KANSL1L: variants seen among roughly 807,000 people sequenced by gnomAD.
KANSL1L encodes the protein KAT8 regulatory NSL complex subunit 1 like.
A neutral mutation model predicts 108.6 loss-of-function variants in KANSL1L; 25 were observed. That is an observed-to-expected ratio of 0.23 (90% CI 0.17 to 0.32). The LOEUF (loss-of-function observed/expected upper bound fraction) is 0.32, where lower values mean the gene tolerates loss of function less well. Ranked by LOEUF, KANSL1L falls within the 10% of genes least tolerant of loss-of-function variation. The pLI is 1.00. For synonymous variants in KANSL1L, 405 were observed against 395.1 expected (o/e 1.03, Z -0.30); for missense variants, 1,137 against 1,125.7 (o/e 1.01, Z -0.14).
At chr2:210,122,077 A>G (rs544681280) in intron 3 of KANSL1L, among the ~76,000 whole-genome samples, 9 of 152,326 alleles carry the variant, frequency 5.9e-5, no homozygotes, top group African/African-American at 1.7e-4. Context: ...GTGAATTAGA[A>G]GAATTAATAT....
chr2:210,031,370 T>C, intron 9 of KANSL1L, 51 bp downstream of exon 9: 1 of 1,345,582 alleles, frequency 7.4e-7, no homozygotes, highest in African/African-American at 1.5e-5. Context: ...AAATCAGAAT[T>C]TTTAATTTTT....
At chr2:210,130,861 A>G (rs1396876379) in intron 2 of KANSL1L, among the ~76,000 whole-genome samples, 1 of 147,316 alleles carries the variant, frequency 6.8e-6, no homozygotes, top group Non-Finnish European at 1.5e-5. Flanking sequence ...TTTTTTTTTC[A>G]AGAACTTTGG....
intron 7 of KANSL1L, among the ~76,000 whole-genome samples, chr2:210,042,259 G>A (rs1044206390): frequency 6.6e-6 from 1 of 152,128 alleles, no homozygotes; most frequent in East Asian, 1.9e-4. Context: ...CGAGTACCTT[G>A]AGGGATTTAT....
chr2:210,119,967 C>T (rs550814933), intron 3 of KANSL1L, among the ~76,000 whole-genome samples: 12 of 152,174 alleles, frequency 7.9e-5, no homozygotes, highest in African/African-American at 2.4e-4. Flanking sequence ...GCATGGTACT[C>T]GAACAAGAAC....
chr2:210,149,308 C>T (rs908011274), intron 2 of KANSL1L, among the ~76,000 whole-genome samples: 6 of 152,000 alleles, frequency 3.9e-5, no homozygotes, highest in Non-Finnish European at 8.8e-5. Context: ...CTAGCCTATA[C>T]GATAAAAGAG....
chr2:210,154,696 T>A (rs2095323815), intron 1 of KANSL1L, 85 bp from the exon 2 acceptor site: 2 of 735,734 alleles, frequency 2.7e-6, no homozygotes, highest in Admixed American at 3.5e-5. Flanking sequence ...ATGTTCAATG[T>A]TTCTGATTAG....
chr2:210,033,429 A>C (rs2094050411), intron 8 of KANSL1L, among the ~76,000 whole-genome samples: 1 of 152,242 alleles, frequency 6.6e-6, no homozygotes, highest in South Asian at 2.1e-4. Context: ...TTGCTGTAGC[A>C]TTTAAGCAAA....
chr2:210,031,351 G>A lies in KANSL1L; in HGVS notation c.2155+70C>T, dbSNP rs1402630083. The A allele has an allele frequency of 2.8e-6, 3 of 1,079,854 alleles. No individual in the cohort carries two copies. In the African/African-American group the frequency reaches 4.9e-5, roughly 18 times the overall value. 66.9% of individuals were successfully genotyped at this position (1,079,854 alleles called of 1,614,324 possible). A position where few individuals can be genotyped will look rare whatever the true frequency, so the allele number is the denominator to read the frequency against. ...TCTGGATTATAAACTCCCATGAGAG[G>A]TTATTTTAAAATCAGAATTTTTAAT... On this transcript the variant is annotated intron_variant, in intron 9 of 14. Coordinates refer to ENST00000281772, the MANE Select transcript of KANSL1L (RefSeq NM_152519.4).
At position 210,058,831 on chromosome 2, in the gene KANSL1L, C is replaced by T. The variant is rs545810361; in HGVS notation, c.1756-14727G>A. 2.6e-4 allele frequency among the ~76,000 whole-genome samples: 26 copies of T among 100,374 alleles called. No individual in the cohort carries two copies. In the East Asian group the frequency reaches 5.3e-3, roughly 21 times the overall value. The allele number at this position is 100,374 out of a possible 152,430, so 65.8% of individuals were successfully genotyped here. ...CAGCCTGGGAGACAGAGCGAGACTC[C>T]GTCTCAAAAAAAAAAAAAAAAAAAC... On this transcript the variant is annotated intron_variant, in intron 6 of 14. Coordinates refer to ENST00000281772, the MANE Select transcript of KANSL1L (RefSeq NM_152519.4).
chr2:210,082,108 T>C (rs2094595230), intron 5 of KANSL1L, among the ~76,000 whole-genome samples: 1 of 152,158 alleles, frequency 6.6e-6, no homozygotes, highest in Admixed American at 6.5e-5. Flanking sequence ...TAATTTTTTA[T>C]GTTCCATACA....
rs996565557 is a variant in KANSL1L at position 210,171,301 on chromosome 2, C to G, written c.-182G>C. ...CGCGCCCCGCTCCCGCCCCGGCCGC[C>G]GCCGCCGCCGCCGCCGCCGCCGCCG... On this transcript the variant is annotated 5_prime_UTR_variant, in exon 1 of 15. Transcript: ENST00000281772. The G allele has an allele frequency of 0.014, 2 of 144 alleles. No individual in the cohort carries two copies. Among genetic ancestry groups the G allele is most frequent in the African/African-American group, 0.02 (2 of 102 alleles). The allele number at this position is 144 out of a possible 1,614,324, so 0.0% of individuals were successfully genotyped here. A position where few individuals can be genotyped will look rare whatever the true frequency, so the allele number is the denominator to read the frequency against.
At chr2:210,108,732 G>A (rs2094875761) in intron 3 of KANSL1L, among the ~76,000 whole-genome samples, 1 of 152,186 alleles carries the variant, frequency 6.6e-6, no homozygotes, top group South Asian at 2.1e-4. Flanking sequence ...AAAGATAACA[G>A]TGAACAATGA....
At position 210,138,583 on chromosome 2, in the gene KANSL1L, C is replaced by G. The variant is rs529770489; in HGVS notation, c.1089-9411G>C. ...AGGAAGCTTAACATTGGGACTTACG[C>G]TTTTTAAAAATCTTTTTTAGCTTTA... On this transcript the variant is annotated intron_variant, in intron 2 of 14. Transcript: ENST00000281772. Among the ~76,000 whole-genome samples, 11 of 152,162 alleles carry G rather than the reference C, an allele frequency of 7.2e-5. No individual in the cohort carries two copies. In the South Asian group the frequency reaches 2.1e-3, roughly 29 times the overall value.
At chr2:210,023,363 CTT>C (rs766949189) in intron 14 of KANSL1L, among the ~76,000 whole-genome samples, 184 bp from the exon 15 acceptor site, 4 of 152,036 alleles carry the variant, frequency 2.6e-5, no homozygotes, top group African/African-American at 4.8e-5. Flanking sequence ...TGTTGAGTGA[CTT>C]TTGGGATTTA....
chr2:210,127,844 A>T (rs1367994712), intron 3 of KANSL1L, among the ~76,000 whole-genome samples: 1 of 150,862 alleles, frequency 6.6e-6, no homozygotes, highest in African/African-American at 2.4e-5. Flanking sequence ...ATAGGAAAAA[A>T]TATTTATAAA....
intron 2 of KANSL1L, 128 bp downstream of exon 2, chr2:210,153,367 A>C: frequency 5.4e-6 from 1 of 184,774 alleles, no homozygotes; most frequent in Non-Finnish European, 1.0e-5. Context: ...AATAAAAATT[A>C]AAAAAAAAAA....
chr2:210,129,158 T>A lies in KANSL1L; in HGVS notation c.1103A>T (p.Glu368Val), dbSNP rs2095097019. The change falls in exon 3 of 15, where the codon GAA becomes GTA. Residue 368 changes from glutamate (E) to valine (V), a missense_variant. Glu to Val is a moderately radical substitution (Grantham distance 121). This residue lies in a region of KANSL1L where 556 missense variants were observed against 537.7 expected (regional missense o/e 1.03). Transcript: ENST00000281772. ...TGCTCTGTCTACAAGCCACTTCCATTCAGTACTACAGTTACTGTGAACAAA... is the reference window on the plus strand; with the variant it reads ...TGCTCTGTCTACAAGCCACTTCCATACAGTACTACAGTTACTGTGAACAAA... The part of the protein sequence containing the change: ...RKNVAVNCST[E>V]WKWLVDRARV... 2 of 1,613,530 alleles carry A rather than the reference T, an allele frequency of 1.2e-6. No homozygotes were observed. Among genetic ancestry groups the A allele is most frequent in the Non-Finnish European group, 1.7e-6 (2 of 1,179,720 alleles).
intron 5 of KANSL1L, chr2:210,096,988 G>A (rs1034264956): frequency 4.2e-5 from 8 of 190,924 alleles, no homozygotes; most frequent in Non-Finnish European, 7.7e-5. Context: ...CTGTTGCCCA[G>A]GCTGGAGTGC....
intron 3 of KANSL1L, among the ~76,000 whole-genome samples, chr2:210,108,898 C>A (rs947270965): frequency 6.6e-6 from 1 of 152,172 alleles, no homozygotes; most frequent in South Asian, 2.1e-4. Context: ...AAACATACTT[C>A]ATCACTTCCT....
Sources: allele counts gnomAD v4.1 joint callset (sites outside exome capture counted in the v4.1 genomes callset), GRCh38; gene constraint gnomAD v4.1.1; regional missense constraint gnomAD v4.1.1; transcripts MANE v1.5; gene names NCBI Gene and HGNC (gene_info 2026-07-23, HGNC 2026-07-21).